Variants in SEL1L3 observed in about 807,000 individuals in gnomAD.
SEL1L3 encodes protein sel-1 homolog 3.
In SEL1L3, 76 loss-of-function variants were observed where a neutral mutation model predicts 142.8. That is an observed-to-expected ratio of 0.53 (90% CI 0.44 to 0.64). The LOEUF (loss-of-function observed/expected upper bound fraction) is 0.64. Ranked by LOEUF, SEL1L3 falls within the 30% of genes least tolerant of loss-of-function variation. The pLI is 0.00. For synonymous variants in SEL1L3, 504 were observed against 519.6 expected (o/e 0.97, Z 0.41); for missense variants, 1,262 against 1,381.7 (o/e 0.91, Z 1.37).
chr4:25,849,641 C>T (rs35801472), intron 1 of SEL1L3, among the ~76,000 whole-genome samples: 44,277 of 152,034 alleles, frequency 0.29, 6,898 homozygotes, highest in African/African-American at 0.38. Context: ...TCCTTAACAC[C>T]ACTGAACTGT....
chr4:25,815,875 G>A (rs1182950022), intron 9 of SEL1L3, among the ~76,000 whole-genome samples: 1 of 150,494 alleles, frequency 6.6e-6, no homozygotes, highest in Non-Finnish European at 1.5e-5. Context: ...ATTGGGGGGG[G>A]TGCTTTTGGT....
the SEL1L3 span, among the ~76,000 whole-genome samples, chr4:25,733,792 G>A: frequency 3.3e-5 from 5 of 152,042 alleles, no homozygotes; most frequent in African/African-American, 1.2e-4. Context: ...TGGGATTACC[G>A]ATGTGAGCCA....
At chr4:25,863,454 A>T, upstream of SEL1L3, 1 of 700,606 alleles carries the variant, frequency 1.4e-6, no homozygotes, top group Non-Finnish European at 2.6e-6. Context: ...GGTCGCACAG[A>T]CCAGTTCCCG....
At chr4:25,768,828 TA>T (rs1718949716) in intron 17 of SEL1L3, among the ~76,000 whole-genome samples, 9 of 150,714 alleles carry the variant, frequency 6.0e-5, no homozygotes, top group Admixed American at 1.3e-4. Flanking sequence ...AAAAGCAGAG[TA>T]TAAAACAATG....
In SEL1L3 at chr4:25,828,305, A is replaced by AT. The variant is rs946784956; in HGVS notation, c.1157+1792dup. 6.6e-5 allele frequency among the ~76,000 whole-genome samples: 10 copies of AT among 151,726 alleles called. No homozygotes were observed. In the East Asian group the frequency reaches 1.2e-3, roughly 18 times the overall value. On this transcript the variant is annotated intron_variant, in intron 6 of 23. Transcript: ENST00000399878. The stretch of plus-strand genomic sequence containing the variant: ...AAGTGAAAACAGGAATTTTTTTTTA[A>AT]TTTTTTTTAGTTTTTTAATGCAGAT...
Position 25,782,394 on chromosome 4 carries a change from G to C in SEL1L3, c.2305C>G (p.Leu769Val). The C allele has an allele frequency of 6.2e-7, 1 of 1,613,658 alleles. No homozygotes were observed. Among genetic ancestry groups the C allele is most frequent in the Non-Finnish European group, 8.5e-7 (1 of 1,179,724 alleles). The change falls in exon 15 of 24, where the codon CTG becomes GTG. Residue 769 changes from leucine (L) to valine (V), a missense_variant. By Grantham distance (32) the Leu-to-Val change is conservative. This residue lies in a region of SEL1L3 where 435 missense variants were observed against 559.2 expected (regional missense o/e 0.78). Transcript: ENST00000399878. ...TTGAATTTGTGGTAATACCATCCCA[G>C]GCCATTGACTGCCTGATGCAATCCC... ...SKGLHQAVNG[L>V]GWYYHKFKKN...
At chr4:25,807,435 G>T (rs937977975) in intron 9 of SEL1L3, among the ~76,000 whole-genome samples, 1 of 152,052 alleles carries the variant, frequency 6.6e-6, no homozygotes, top group African/African-American at 2.4e-5. Flanking sequence ...TAAGAACGTG[G>T]AATACACTGA....
rs1560277626 is a variant in SEL1L3, at chr4:25,757,754, G to A, written c.3120C>T (p.Pro1040=). ...GCAGGTAAAGCCAGGCCAAGGAGCA[G>A]GGGCTGAAGGACTCCTCGTTACTGT... The part of the protein sequence containing the change: ...WSHSNEESFS[P]CSLAWLYLHL... The change falls in exon 22 of 24, where the codon CCC becomes CCT. Residue 1040 remains proline, a synonymous_variant. Coordinates refer to ENST00000399878, the MANE Select transcript of SEL1L3 (RefSeq NM_015187.5). 6.3e-7 allele frequency: 1 copy of A among 1,594,442 alleles called. No individual in the cohort carries two copies. Among genetic ancestry groups the A allele is most frequent in the East Asian group, 2.3e-5 (1 of 43,980 alleles).
At chr4:25,815,163 C>A (rs1387180695) in intron 9 of SEL1L3, among the ~76,000 whole-genome samples, 1 of 152,130 alleles carries the variant, frequency 6.6e-6, no homozygotes, top group Admixed American at 6.5e-5. Flanking sequence ...AGGTATGGTC[C>A]CTCGGGGGAA....
At chr4:25,854,025 T>C (rs1717076826) in intron 1 of SEL1L3, among the ~76,000 whole-genome samples, 1 of 152,202 alleles carries the variant, frequency 6.6e-6, no homozygotes, top group Admixed American at 6.5e-5. Flanking sequence ...TATATGTGGC[T>C]TGAAATTTGT....
chr4:25,813,031 CA>C (rs1714137179), intron 9 of SEL1L3, among the ~76,000 whole-genome samples: 1 of 152,090 alleles, frequency 6.6e-6, no homozygotes, highest in Non-Finnish European at 1.5e-5. Context: ...TACAAACAAA[CA>C]AAACAGGAAA....
intron 14 of SEL1L3, 143 bp from the exon 15 acceptor site, chr4:25,782,561 A>T: frequency 1.4e-6 from 1 of 720,838 alleles, no homozygotes; most frequent in South Asian, 2.0e-5. Flanking sequence ...CATTAAAGAA[A>T]AGCTAAGTGC....
At chr4:25,773,923 G>A (rs892701009) in intron 17 of SEL1L3, among the ~76,000 whole-genome samples, 4 of 152,136 alleles carry the variant, frequency 2.6e-5, no homozygotes, top group African/African-American at 9.7e-5. Context: ...CTATCATGAA[G>A]GCTGTCCCAA....
chr4:25,741,615 T>G, the SEL1L3 span, among the ~76,000 whole-genome samples: 13 of 152,144 alleles, frequency 8.5e-5, no homozygotes, highest in Admixed American at 1.3e-4. Context: ...CTTTGCACAT[T>G]CTAGATGTTG....
chr4:25,740,249 C>T, the SEL1L3 span, among the ~76,000 whole-genome samples: 1 of 149,150 alleles, frequency 6.7e-6, no homozygotes, highest in Non-Finnish European at 1.5e-5. Context: ...GCCTGGACAA[C>T]ATGGTGAAAC....
chr4:25,767,249 C>T (rs763477809), intron 19 of SEL1L3, among the ~76,000 whole-genome samples: 1 of 152,198 alleles, frequency 6.6e-6, no homozygotes, highest in Non-Finnish European at 1.5e-5. Context: ...CATTCCACTG[C>T]ACTCCAGCCC....
chr4:25,729,629 G>A, the SEL1L3 span, among the ~76,000 whole-genome samples: 2 of 152,282 alleles, frequency 1.3e-5, no homozygotes, highest in East Asian at 1.9e-4. Context: ...CAGGAGAATC[G>A]CTGGAACCTG....
chr4:25,821,484 A>T (rs899793399), intron 7 of SEL1L3, among the ~76,000 whole-genome samples: 1 of 152,212 alleles, frequency 6.6e-6, no homozygotes, highest in Non-Finnish European at 1.5e-5. Flanking sequence ...ATGGATGTGG[A>T]AGGCACTGTG....
intron 1 of SEL1L3, among the ~76,000 whole-genome samples, chr4:25,856,505 C>T (rs1342007925): frequency 6.6e-6 from 1 of 151,622 alleles, no homozygotes; most frequent in African/African-American, 2.4e-5. Context: ...CAGATGTGAG[C>T]CCTCATCAAA....
Sources: gnomAD v4.1 joint callset for allele counts (sites outside exome capture counted in the v4.1 genomes callset) on GRCh38, gnomAD v4.1.1 for gene constraint, gnomAD v4.1.1 regional missense constraint, MANE v1.5 for transcripts, NCBI Gene and HGNC (gene_info 2026-07-23, HGNC 2026-07-21) for gene names.